Variants in AIG1 observed in about 807,000 individuals in gnomAD.
The protein encoded by AIG1 is androgen-induced gene 1 protein.
In AIG1, 23 loss-of-function variants were observed where a neutral mutation model predicts 31.4. The ratio of observed to expected loss-of-function variants is 0.73; its 90% CI spans 0.53 to 1.04. The LOEUF (loss-of-function observed/expected upper bound fraction) is 1.04, where lower values mean the gene tolerates loss of function less well. Ranked by LOEUF, AIG1 falls within the 50% of genes least tolerant of loss-of-function variation. The probability of loss-of-function intolerance (pLI) is 0.00; values close to 1 mark genes in which losing one functional copy is unlikely to be tolerated. For synonymous variants in AIG1, 100 were observed against 110.5 expected (o/e 0.90, Z 0.60); for missense variants, 274 against 295.0 (o/e 0.93, Z 0.52).
chr6:143,292,298 A>G lies in AIG1; in HGVS notation c.515+8073A>G, dbSNP rs1798111632. On this transcript the variant is annotated intron_variant, in intron 4 of 5. Coordinates refer to ENST00000357847, the MANE Select transcript of AIG1 (RefSeq NM_016108.4). This position sits in a 1 kb window ranked among gnomAD's most constrained non-coding sequence, Gnocchi z 4.9. ...TTAAGGTAAGGACCTTGTGATGGAC[A>G]GGTTAGCCTGCTTTTGCAGGTGGAC... is the stretch of plus-strand genomic sequence containing the variant. 6.6e-6 allele frequency among the ~76,000 whole-genome samples: 1 copy of G among 152,236 alleles called. No homozygotes were observed. The highest frequency in any genetic ancestry group is 2.4e-5 in the African/African-American group (1 of 41,466).
intron 3 of AIG1, among the ~76,000 whole-genome samples, chr6:143,195,556 C>T (rs938442270): frequency 2.6e-5 from 4 of 152,124 alleles, no homozygotes; most frequent in Non-Finnish European, 2.9e-5. Context: ...GAAACGTTGA[C>T]AAGCACAGGC....
chr6:143,077,660 T>C (rs1318030626), intron 1 of AIG1, among the ~76,000 whole-genome samples: 1 of 152,220 alleles, frequency 6.6e-6, no homozygotes, highest in African/African-American at 2.4e-5. Flanking sequence ...ATGATGTTTC[T>C]GGGTATGGTT....
chr6:143,319,342 G>A (rs903172404), intron 4 of AIG1, among the ~76,000 whole-genome samples: 4 of 152,190 alleles, frequency 2.6e-5, no homozygotes, highest in African/African-American at 9.6e-5. Flanking sequence ...GGATGGAATG[G>A]TAGACCATTA....
At chr6:143,174,624 G>T (rs1787963145) in intron 3 of AIG1, among the ~76,000 whole-genome samples, 1 of 152,008 alleles carries the variant, frequency 6.6e-6, no homozygotes, top group South Asian at 2.1e-4. Context: ...GAAGACACCA[G>T]ATACTTGGTT....
intron 1 of AIG1, among the ~76,000 whole-genome samples, chr6:143,062,336 C>T (rs59098623): frequency 0.019 from 2,919 of 152,208 alleles, 82 homozygotes; most frequent in African/African-American, 0.067. Context: ...ATTTTCAGAT[C>T]CTCATCTTCC....
intron 3 of AIG1, among the ~76,000 whole-genome samples, chr6:143,273,868 G>A (rs551286082): frequency 1.3e-5 from 2 of 152,086 alleles, no homozygotes; most frequent in Non-Finnish European, 2.9e-5. Flanking sequence ...GATGAGAATT[G>A]GGTGAGGACA....
rs558950806 is a variant in AIG1, at chr6:143,330,992, AC to A, written c.516-2289del. On this transcript the variant is annotated intron_variant, in intron 4 of 5. Coordinates refer to ENST00000357847, the MANE Select transcript of AIG1 (RefSeq NM_016108.4). The surrounding 1 kb of genome is among the most constrained non-coding windows in gnomAD (Gnocchi z 4.4). ...CTTTTCTAACAGAATCTTTGGACTA[AC>A]ATGGCCTCTTTTTTTGATACAAATA... Among the ~76,000 whole-genome samples, 421 of 152,304 alleles carry A rather than the reference AC, an allele frequency of 2.8e-3. 3 individuals are homozygous for A. Among genetic ancestry groups the A allele is most frequent in the African/African-American group, 9.7e-3 (405 of 41,576 alleles).
intron 3 of AIG1, among the ~76,000 whole-genome samples, chr6:143,170,588 T>A (rs1389788207): frequency 1.5e-4 from 4 of 26,366 alleles, no homozygotes; most frequent in Non-Finnish European, 2.2e-4. Context: ...AAAAAACAAG[T>A]TTTTTTTTTT....
chr6:143,145,217 G>A (rs1488367720), intron 2 of AIG1, among the ~76,000 whole-genome samples: 6 of 152,050 alleles, frequency 3.9e-5, no homozygotes, highest in African/African-American at 9.7e-5. Context: ...TAGACATGGG[G>A]TTTCACCATG....
chr6:143,164,658 A>G (rs1786741998), intron 2 of AIG1, among the ~76,000 whole-genome samples: 1 of 152,184 alleles, frequency 6.6e-6, no homozygotes, highest in African/African-American at 2.4e-5. Context: ...AAACCACATG[A>G]TGGGTTCAAG....
Position 143,331,867 on chromosome 6 carries a change from A to G in AIG1, c.516-1415A>G, listed in dbSNP as rs1468186322. On this transcript the variant is annotated intron_variant, in intron 4 of 5. Transcript: ENST00000357847. This position sits in a 1 kb window ranked among gnomAD's most constrained non-coding sequence, Gnocchi z 4.1. ...AATGTTTATTATTATTATTATTATT[A>G]TTATTATTATTATTATTATTTTGAG... 4.1e-5 allele frequency among the ~76,000 whole-genome samples: 6 copies of G among 146,930 alleles called. No homozygotes were observed. The highest frequency in any genetic ancestry group is 1.5e-4 in the African/African-American group (6 of 40,186).
rs1390389757 is a variant in AIG1, at chr6:143,109,981, A to G, written c.142-26854A>G. ...GGTCATGAAGATATTCTCCTCTGCT[A>G]TCTTCTAGAAGCTCTGTCATTTTGC... On this transcript the variant is annotated intron_variant, in intron 1 of 5. Transcript: ENST00000357847. Among the ~76,000 whole-genome samples the G allele has an allele frequency of 3.3e-5, 5 of 152,182 alleles. No homozygotes were observed. In the South Asian group the frequency reaches 6.2e-4, roughly 19 times the overall value.
chr6:143,136,673 A>C (rs143011650), intron 1 of AIG1, among the ~76,000 whole-genome samples, 162 bp from the exon 2 acceptor site: 14 of 152,370 alleles, frequency 9.2e-5, no homozygotes, highest in African/African-American at 2.9e-4. Context: ...GTATAAAAGC[A>C]AGTTGTAAAT....
At chr6:143,079,724 A>T (rs1330945175) in intron 1 of AIG1, among the ~76,000 whole-genome samples, 3 of 151,556 alleles carry the variant, frequency 2.0e-5, no homozygotes, top group African/African-American at 7.3e-5. Flanking sequence ...CTTAGTGAAT[A>T]TATGAATAAA....
rs1190565364 is a variant in AIG1, at chr6:143,340,714, G to A, written c.*1038G>A. Among the ~76,000 whole-genome samples, 2 of 151,894 alleles carry A rather than the reference G, an allele frequency of 1.3e-5. No homozygotes were observed. The highest frequency in any genetic ancestry group is 3.9e-4 in the East Asian group (2 of 5,180). ...CCTGACCTTGTGATCCACACGCCTC[G>A]GCCTCCCAAAGTGCTGGGATTACAG... On this transcript the variant is annotated 3_prime_UTR_variant, in exon 6 of 6. Transcript: ENST00000357847.
At chr6:143,161,529 T>TTATA (rs3059576) in intron 2 of AIG1, among the ~76,000 whole-genome samples, 27 of 149,446 alleles carry the variant, frequency 1.8e-4, no homozygotes, top group African/African-American at 5.4e-4. Context: ...AAAACATATA[T>TTATA]TATATATATA....
At chr6:143,205,802 A>C (rs1791064119) in intron 3 of AIG1, among the ~76,000 whole-genome samples, 1 of 152,240 alleles carries the variant, frequency 6.6e-6, no homozygotes, top group African/African-American at 2.4e-5. Flanking sequence ...TTCAGCCAGC[A>C]GCAAAGAATT....
intron 4 of AIG1, among the ~76,000 whole-genome samples, chr6:143,286,975 C>G (rs567747983): frequency 9.9e-5 from 15 of 151,896 alleles, no homozygotes; most frequent in East Asian, 7.8e-4. Flanking sequence ...CCGTTGCAGT[C>G]CTCCCCAAGC....
At chr6:143,134,757 T>A (rs1783584231) in intron 1 of AIG1, among the ~76,000 whole-genome samples, 1 of 152,118 alleles carries the variant, frequency 6.6e-6, no homozygotes, top group Non-Finnish European at 1.5e-5. Flanking sequence ...CTTTGAGTAC[T>A]CATGAAGCCA....
Sources: gnomAD v4.1 joint callset for allele counts (sites outside exome capture counted in the v4.1 genomes callset) on GRCh38, gnomAD v4.1.1 for gene constraint, Gnocchi (gnomAD v3.1) non-coding constraint, MANE v1.5 for transcripts, NCBI Gene and HGNC (gene_info 2026-07-23, HGNC 2026-07-21) for gene names.